The following RANBP2 variants were observed in gnomAD, a reference collection of about 807,000 sequenced individuals.
RANBP2 encodes E3 SUMO-protein ligase RanBP2.
Under a neutral mutation model 303.6 loss-of-function variants are expected in RANBP2, and 57 were observed. The ratio of observed to expected loss-of-function variants is 0.19; its 90% CI spans 0.15 to 0.23. The LOEUF is 0.23. Ranked by LOEUF, RANBP2 falls within the 10% of genes least tolerant of loss-of-function variation. The pLI is 1.00. For missense variants in RANBP2, 3,138 were observed against 3,780.8 expected, an observed-to-expected ratio of 0.83 and a Z score of 4.46; for synonymous variants, 1,167 against 1,301.5, an observed-to-expected ratio of 0.90 and a Z score of 2.23.
At chr2:108,731,245 T>G in intron 3 of RANBP2, 77 bp from the exon 4 acceptor site, 1 of 1,542,844 alleles carries the variant, frequency 6.5e-7, no homozygotes, top group East Asian at 2.5e-5. Context: ...TTTTTAACCT[T>G]TATATATAAG....
At chr2:109,550,582 A>G in the RANBP2 span, among the ~76,000 whole-genome samples, 1 of 152,056 alleles carries the variant, frequency 6.6e-6, no homozygotes, top group Non-Finnish European at 1.5e-5. Flanking sequence ...CCGAAGTGCT[A>G]GGATTGCAGG....
chr2:109,500,323 G>T, the RANBP2 span, among the ~76,000 whole-genome samples: 27 of 152,146 alleles, frequency 1.8e-4, 1 homozygote, highest in Admixed American at 5.9e-4. Context: ...GCTAAGTGTT[G>T]CCAGGAGCAC....
At chr2:109,321,770 A>G in the RANBP2 span, among the ~76,000 whole-genome samples, 1 of 152,220 alleles carries the variant, frequency 6.6e-6, no homozygotes, top group Non-Finnish European at 1.5e-5. Flanking sequence ...AACTACTGTT[A>G]TTCTGCTAGA....
At chr2:108,982,403 G>A in the RANBP2 span, among the ~76,000 whole-genome samples, 3 of 152,342 alleles carry the variant, frequency 2.0e-5, no homozygotes, top group African/African-American at 2.4e-5. Flanking sequence ...AACTGATGCC[G>A]TGGGAGGCAT....
At chr2:109,262,978 G>A in the RANBP2 span, among the ~76,000 whole-genome samples, 1,168 of 152,006 alleles carry the variant, frequency 7.7e-3, 20 homozygotes, top group African/African-American at 0.026. Context: ...GAGTACAGGT[G>A]CCCGCCACCA....
the RANBP2 span, among the ~76,000 whole-genome samples, chr2:109,194,389 G>C: frequency 1.3e-5 from 2 of 152,222 alleles, no homozygotes; most frequent in African/African-American, 4.8e-5. Flanking sequence ...GCTTCCCAGT[G>C]GGCTGGGCCT....
the RANBP2 span, among the ~76,000 whole-genome samples, chr2:108,855,715 G>T: frequency 1.3e-5 from 2 of 152,126 alleles, no homozygotes; most frequent in Admixed American, 6.5e-5. Flanking sequence ...AGTTTCATAT[G>T]TATTTTCACT....
chr2:109,677,662 C>G, the RANBP2 span, among the ~76,000 whole-genome samples: 1 of 152,208 alleles, frequency 6.6e-6, no homozygotes, highest in African/African-American at 2.4e-5. Flanking sequence ...CTTCTCTTCC[C>G]CTCTCTTTCA....
the RANBP2 span, among the ~76,000 whole-genome samples, chr2:109,621,138 T>A: frequency 1.3e-5 from 2 of 152,086 alleles, no homozygotes; most frequent in Non-Finnish European, 2.9e-5. Flanking sequence ...TAGAATCATA[T>A]AAGTTGTTGG....
the RANBP2 span, among the ~76,000 whole-genome samples, chr2:109,158,057 T>TGAGCCTGGAGCTGGACTCCC: frequency 1.3e-5 from 2 of 152,230 alleles, no homozygotes; most frequent in African/African-American, 4.8e-5. Flanking sequence ...ATCTGGCTCC[T>TGAGCCTGGAGCTGGACTCCC]GAGCCTGGAG....
the RANBP2 span, among the ~76,000 whole-genome samples, chr2:109,135,500 C>T: frequency 3.3e-5 from 5 of 152,190 alleles, no homozygotes; most frequent in Non-Finnish European, 7.3e-5. Flanking sequence ...GCCTGGCACA[C>T]GTGATTGGCT....
At chr2:109,078,695 C>T in the RANBP2 span, among the ~76,000 whole-genome samples, 56 of 150,416 alleles carry the variant, frequency 3.7e-4, no homozygotes, top group African/African-American at 1.4e-3. Flanking sequence ...AAAAGGTGAC[C>T]ATGTGGGCCG....
the RANBP2 span, among the ~76,000 whole-genome samples, chr2:109,712,133 T>C: frequency 0.74 from 112,289 of 152,218 alleles, 45,361 homozygotes; most frequent in East Asian, 0.99. Flanking sequence ...ATGAAAGATT[T>C]CATGTCCAGG....
chr2:109,629,235 T>TAACTAAAAAAATAAA, the RANBP2 span, among the ~76,000 whole-genome samples: 1 of 138,078 alleles, frequency 7.2e-6, no homozygotes, highest in Non-Finnish European at 1.5e-5. Context: ...AATAAATAAA[T>TAACTAAAAAAATAAA]AAAATGCTTA....
the RANBP2 span, among the ~76,000 whole-genome samples, chr2:109,530,462 A>C: frequency 3.9e-5 from 6 of 152,350 alleles, no homozygotes; most frequent in Non-Finnish European, 8.8e-5. Context: ...TGAAGAAAGC[A>C]AGGCTCAGAA....
the RANBP2 span, among the ~76,000 whole-genome samples, chr2:108,967,017 C>T: frequency 3.9e-5 from 6 of 152,230 alleles, no homozygotes; most frequent in African/African-American, 1.4e-4. Context: ...CCACTGAAAC[C>T]TCTGCTTCCC....
the RANBP2 span, among the ~76,000 whole-genome samples, chr2:108,823,366 T>C: frequency 3.3e-5 from 5 of 152,220 alleles, no homozygotes; most frequent in Admixed American, 1.3e-4. Flanking sequence ...TTGATAAATA[T>C]TGATGCAAAA....
At chr2:109,334,376 A>T in the RANBP2 span, among the ~76,000 whole-genome samples, 1 of 127,962 alleles carries the variant, frequency 7.8e-6, no homozygotes, top group African/African-American at 3.6e-5. Context: ...AAAAAAAAAA[A>T]ATCTTAAAAA....
At chr2:109,625,738 A>G in the RANBP2 span, among the ~76,000 whole-genome samples, 24 of 152,250 alleles carry the variant, frequency 1.6e-4, no homozygotes, top group Admixed American at 2.6e-4. Flanking sequence ...ATCCAAAATC[A>G]TAACATGAAG....
Sources: gnomAD v4.1 joint callset for allele counts (sites outside exome capture counted in the v4.1 genomes callset) on GRCh38, gnomAD v4.1.1 for gene constraint, MANE v1.5 for transcripts, NCBI Gene and HGNC (gene_info 2026-07-23, HGNC 2026-07-21) for gene names.